PDE7A: variants seen among roughly 807,000 people sequenced by gnomAD.
PDE7A encodes the protein phosphodiesterase 7A, also known as high affinity 3',5'-cyclic-AMP phosphodiesterase 7A.
In PDE7A, 39 loss-of-function variants were observed where a neutral mutation model predicts 64.3. The observed-to-expected ratio is 0.61, with a 90% CI of 0.47 to 0.79. The LOEUF (loss-of-function observed/expected upper bound fraction) is 0.79, where lower values mean the gene tolerates loss of function less well. PDE7A is among the 30% of genes least tolerant of loss of function. PDE7A has a pLI of 0.00. For missense variants in PDE7A, 470 were observed against 582.8 expected (o/e 0.81, Z 1.99); for synonymous variants, 203 against 206.8 (o/e 0.98, Z 0.16).
At chr8:65,798,206 A>ATATATATATATTT in intron 1 of PDE7A, among the ~76,000 whole-genome samples, 78 of 73,794 alleles carry the variant, frequency 1.1e-3, no homozygotes, top group African/African-American at 3.6e-3. Flanking sequence ...ATATATATAT[A>ATATATATATATTT]TTTTTTTTTT....
intron 1 of PDE7A, among the ~76,000 whole-genome samples, chr8:65,808,183 G>A (rs986598432): frequency 6.6e-6 from 1 of 152,192 alleles, no homozygotes; most frequent in African/African-American, 2.4e-5. Context: ...TAGTTAAAAT[G>A]AGCAGAAATT....
rs917623277 is a variant in PDE7A at position 65,719,741 on chromosome 8, T to C, written c.1244-246A>G. Reference sequence around the variant, plus strand: ...TGAACTGACAAATATATCTAACCTTTTCTGGTTATCCTTCTCAGTGGCACA... The same window carrying C: ...TGAACTGACAAATATATCTAACCTTCTCTGGTTATCCTTCTCAGTGGCACA... On this transcript the variant is annotated intron_variant, in intron 12 of 12. Transcript: ENST00000401827. 8.3e-6 allele frequency: 4 copies of C among 483,242 alleles called. No homozygotes were observed. In the Admixed American group the frequency reaches 1.3e-4, roughly 16 times the overall value. 29.9% of individuals were successfully genotyped at this position (483,242 alleles called of 1,614,324 possible).
At chr8:65,814,192 A>G (rs1315268375) in intron 1 of PDE7A, among the ~76,000 whole-genome samples, 1 of 152,178 alleles carries the variant, frequency 6.6e-6, no homozygotes, top group Admixed American at 6.5e-5. Flanking sequence ...TTATAGAACA[A>G]TATGTAGTAT....
At chr8:65,783,830 T>C (rs1400011613) in intron 1 of PDE7A, among the ~76,000 whole-genome samples, 3 of 152,176 alleles carry the variant, frequency 2.0e-5, no homozygotes, top group Non-Finnish European at 4.4e-5. Context: ...AATAAATTAG[T>C]CACTAACAGA....
intron 3 of PDE7A, among the ~76,000 whole-genome samples, chr8:65,762,792 T>G (rs151173416): frequency 6.6e-6 from 1 of 152,162 alleles, no homozygotes; most frequent in Admixed American, 6.6e-5. Context: ...AGAGAAATAA[T>G]TGGAAACATT....
At chr8:65,812,427 A>G (rs1441264158) in intron 1 of PDE7A, among the ~76,000 whole-genome samples, 1 of 152,200 alleles carries the variant, frequency 6.6e-6, no homozygotes, top group Admixed American at 6.5e-5. Context: ...CAAAACATGA[A>G]AAACAAACTG....
intron 6 of PDE7A, among the ~76,000 whole-genome samples, chr8:65,738,054 A>C (rs1001296330): frequency 6.6e-6 from 1 of 152,208 alleles, no homozygotes; most frequent in African/African-American, 2.4e-5. Context: ...AATAAAGTGA[A>C]TATTGCAATA....
chr8:65,771,905 A>G (rs58251794), intron 3 of PDE7A, among the ~76,000 whole-genome samples: 3,963 of 144,462 alleles, frequency 0.027, 162 homozygotes, highest in African/African-American at 0.091. Context: ...AAAAAAAAAA[A>G]AAGAAGAAGA....
chr8:65,756,437 T>TC (rs1334604665), intron 3 of PDE7A, among the ~76,000 whole-genome samples: 1 of 152,048 alleles, frequency 6.6e-6, no homozygotes, highest in East Asian at 1.9e-4. Flanking sequence ...CTCTTTTTTT[T>TC]CTCTCTCTCT....
intron 1 of PDE7A, among the ~76,000 whole-genome samples, chr8:65,790,708 GAACT>G (rs1414540739): frequency 4.6e-5 from 7 of 152,124 alleles, no homozygotes. Flanking sequence ...TCTTGCTACA[GAACT>G]AACAAGTTAT....
intron 7 of PDE7A, among the ~76,000 whole-genome samples, chr8:65,732,346 G>A (rs1056860816): frequency 1.3e-5 from 2 of 152,030 alleles, no homozygotes; most frequent in Middle Eastern, 3.4e-3. Context: ...TTTGTTTAAT[G>A]ACTGCCTCCC....
chr8:65,768,606 G>A lies in PDE7A; in HGVS notation c.283+11114C>T, dbSNP rs141965513. Reference sequence around the variant, plus strand: ...ATCTTGGAATGTCTTTATCAGCAGCGTAAAAACAGACTAATACAAATTCTT... The same window carrying A: ...ATCTTGGAATGTCTTTATCAGCAGCATAAAAACAGACTAATACAAATTCTT... On this transcript the variant is annotated intron_variant, in intron 3 of 12. Transcript: ENST00000401827. Among the ~76,000 whole-genome samples, 171 of 152,214 alleles carry A rather than the reference G, an allele frequency of 1.1e-3. 1 individual carries two copies. The highest frequency in any genetic ancestry group is 3.6e-3 in the African/African-American group (151 of 41,520).
chr8:65,799,969 C>T (rs1447446518), intron 1 of PDE7A, among the ~76,000 whole-genome samples: 2 of 152,162 alleles, frequency 1.3e-5, no homozygotes, highest in Admixed American at 1.3e-4. Context: ...AAGGAAAATC[C>T]TTAAGTTCCT....
At chr8:65,832,185 T>C (rs1311014118) in intron 1 of PDE7A, among the ~76,000 whole-genome samples, 2 of 152,224 alleles carry the variant, frequency 1.3e-5, no homozygotes, top group African/African-American at 4.8e-5. Context: ...ATATACAATA[T>C]AGAAATAATA....
chr8:65,727,179 A>C lies in PDE7A; in HGVS notation c.819T>G (p.Thr273=). 6.3e-7 allele frequency: 1 copy of C among 1,585,694 alleles called. No homozygotes were observed. Among genetic ancestry groups the C allele is most frequent in the Non-Finnish European group, 8.7e-7 (1 of 1,154,688 alleles). Reference sequence around the variant, plus strand: ...ATAAAATTGCACTAACCTTGTATAAAGTTGCCAAGTAATGGTTAGTTTTAA... The same window carrying C: ...ATAAAATTGCACTAACCTTGTATAACGTTGCCAAGTAATGGTTAGTTTTAA... The part of the protein sequence containing the change: ...FLIKTNHYLA[T]LYKNTSVLEN... The change falls in exon 8 of 13, where the codon ACT becomes ACG. Residue 273 remains threonine (T), a synonymous_variant. Coordinates refer to ENST00000401827, the MANE Select transcript of PDE7A (RefSeq NM_001242318.3).
At chr8:65,811,530 G>A (rs948406554) in intron 1 of PDE7A, among the ~76,000 whole-genome samples, 1 of 152,226 alleles carries the variant, frequency 6.6e-6, no homozygotes, top group Non-Finnish European at 1.5e-5. Context: ...TTTCAGCAGA[G>A]AGCAAGATGA....
chr8:65,727,451 C>A, intron 7 of PDE7A, 150 bp from the exon 8 acceptor site: 2 of 1,077,610 alleles, frequency 1.9e-6, no homozygotes, highest in Non-Finnish European at 2.6e-6. Context: ...TTAGGTTCAC[C>A]AAGCACATCT....
At chr8:65,799,791 G>A (rs1042698195) in intron 1 of PDE7A, among the ~76,000 whole-genome samples, 15 of 152,192 alleles carry the variant, frequency 9.9e-5, no homozygotes, top group Non-Finnish European at 2.2e-4. Flanking sequence ...TACCCAAGGA[G>A]AGAAGTGAAG....
intron 1 of PDE7A, among the ~76,000 whole-genome samples, chr8:65,829,204 T>C (rs890613578): frequency 6.6e-6 from 1 of 152,112 alleles, no homozygotes. Flanking sequence ...TTCCCCAAGG[T>C]GAAAATGGCT....
Sources: allele counts gnomAD v4.1 joint callset (sites outside exome capture counted in the v4.1 genomes callset), GRCh38; gene constraint gnomAD v4.1.1; transcripts MANE v1.5; gene names NCBI Gene and HGNC (gene_info 2026-07-23, HGNC 2026-07-21).